Variants in LUZP1 observed in about 807,000 individuals in gnomAD.
LUZP1 encodes the protein leucine zipper protein 1.
A neutral mutation model predicts 71.3 loss-of-function variants in LUZP1; 25 were observed. That is an observed-to-expected ratio of 0.35 (90% CI 0.26 to 0.49). The LOEUF (loss-of-function observed/expected upper bound fraction) is 0.49. LUZP1 is among the 20% of genes least tolerant of loss of function. The pLI, the probability that LUZP1 is intolerant of heterozygous loss-of-function variation, is 0.99. For missense variants in LUZP1, 1,142 were observed against 1,300.8 expected (o/e 0.88, Z 1.88); for synonymous variants, 481 against 506.4 (o/e 0.95, Z 0.67).
chr1:23,155,704 T>C (rs1644416396), intron 2 of LUZP1, among the ~76,000 whole-genome samples: 1 of 152,076 alleles, frequency 6.6e-6, no homozygotes, highest in African/African-American at 2.4e-5. Context: ...TAATCCCAGC[T>C]ACTCGGAAGG....
chr1:23,134,764 C>T (rs1453510709), intron 2 of LUZP1, among the ~76,000 whole-genome samples: 2 of 152,056 alleles, frequency 1.3e-5, no homozygotes, highest in African/African-American at 2.4e-5. Context: ...GCCTGGGGGA[C>T]GGTGTGAGAC....
chr1:23,109,318 G>A (rs1382364869), intron 2 of LUZP1, among the ~76,000 whole-genome samples, 191 bp from the exon 2 acceptor site: 1 of 152,216 alleles, frequency 6.6e-6, no homozygotes, highest in Non-Finnish European at 1.5e-5. Context: ...TCTCAGGAAA[G>A]TCAAGAAAGA....
exon 5 of LUZP1, chr1:23,088,286 C>T (rs1217453173): frequency 2.0e-5 from 3 of 152,598 alleles, no homozygotes; most frequent in African/African-American, 7.2e-5. Context: ...ACTGGTAAGC[C>T]AGGAGCCAGG....
chr1:23,087,581 G>T (rs1643785751), exon 5 of LUZP1: 1 of 152,612 alleles, frequency 6.6e-6, no homozygotes, highest in African/African-American at 2.4e-5. Context: ...GAGGGCAATA[G>T]TGTCTACTTC....
At position 23,091,175 on chromosome 1, in the gene LUZP1, G is replaced by A; in HGVS notation, c.3072+15C>T. 1.3e-6 allele frequency: 2 copies of A among 1,581,162 alleles called. No individual in the cohort carries two copies. Among genetic ancestry groups the A allele is most frequent in the Non-Finnish European group, 1.7e-6 (2 of 1,164,736 alleles). ...GGAGGGAGAAAAGAGAGAGGGGAGA[G>A]AGGCTGGAACTCACCATGCTTGCTG... On this transcript the variant is annotated intron_variant, in intron 4 of 4. Transcript: ENST00000302291.
rs779014268 is a variant in LUZP1 at position 23,091,561 on chromosome 1, A to T, written c.2701T>A (p.Trp901Arg). 5.3e-5 allele frequency: 85 copies of T among 1,613,932 alleles called. No homozygotes were observed. The highest frequency in any genetic ancestry group is 7.0e-5 in the Non-Finnish European group (83 of 1,180,004). Residue 901 changes from tryptophan (W) to arginine (R), a missense_variant, in exon 4 of 5, where the codon TGG becomes AGG. Trp to Arg is a moderately radical substitution (Grantham distance 101). Transcript: ENST00000302291. ...TCTGAAGGGGCACTATGGCTTTTCC[A>T]CCTGATTGTCTCCGCTGGAGGTGCA...
chr1:23,125,584 T>C (rs2124675353), intron 2 of LUZP1, among the ~76,000 whole-genome samples: 1 of 152,300 alleles, frequency 6.6e-6, no homozygotes, highest in Admixed American at 6.5e-5. Context: ...AGCACATCAG[T>C]CTATACAGCC....
chr1:23,094,475 G>T lies in LUZP1; in HGVS notation c.-119-95C>A. 1.1e-6 allele frequency: 1 copy of T among 874,320 alleles called. No homozygotes were observed. The highest frequency in any genetic ancestry group is 1.6e-6 in the Non-Finnish European group (1 of 635,556). The allele number at this position is 874,320 out of a possible 1,614,324, so 54.2% of individuals were successfully genotyped here. ...AAAAGTGCTCCTATCTGTTCCTGGTGCCTGGATCATAGCAGGGGCTCAAAC... is the reference window on the plus strand; with the variant it reads ...AAAAGTGCTCCTATCTGTTCCTGGTTCCTGGATCATAGCAGGGGCTCAAAC... On this transcript the variant is annotated intron_variant, in intron 3 of 4. Coordinates refer to ENST00000302291, the Ensembl canonical transcript of LUZP1. This position sits in a 1 kb window ranked among gnomAD's most constrained non-coding sequence, Gnocchi z 4.7.
At chr1:23,140,019 A>G (rs1396829682) in intron 2 of LUZP1, among the ~76,000 whole-genome samples, 4 of 151,856 alleles carry the variant, frequency 2.6e-5, no homozygotes, top group Non-Finnish European at 5.9e-5. Flanking sequence ...GTTTTGGAGA[A>G]GTCAAAGGTT....
chr1:23,172,915 C>T (rs1463140155), intron 1 of LUZP1, among the ~76,000 whole-genome samples: 2 of 151,820 alleles, frequency 1.3e-5, no homozygotes, highest in Admixed American at 6.6e-5. Flanking sequence ...CTCCGCCTCC[C>T]GTATTCAAGC....
rs779838081 is a variant in LUZP1, at chr1:23,093,224, T to G, written c.1038A>C (p.Gln346His). Residue 346 changes from glutamine (Q) to histidine (H), a missense_variant, in exon 4 of 5, where the codon CAA becomes CAC. Coordinates refer to ENST00000302291, the Ensembl canonical transcript of LUZP1. This position sits in a 1 kb window ranked among gnomAD's most constrained non-coding sequence, Gnocchi z 4.2. ...TTTCTAACTCTTTCTGTTTCTTGAT[T>G]TGTAGCTTTATCTCCTCCAGTTGGC... The G allele has an allele frequency of 6.2e-7, 1 of 1,614,156 alleles. No homozygotes were observed. Among genetic ancestry groups the G allele is most frequent in the Non-Finnish European group, 8.5e-7 (1 of 1,180,028 alleles).
At chr1:23,144,354 C>G (rs1644326861) in intron 2 of LUZP1, among the ~76,000 whole-genome samples, 1 of 152,046 alleles carries the variant, frequency 6.6e-6, no homozygotes, top group Non-Finnish European at 1.5e-5. Flanking sequence ...TGGCATAAGG[C>G]TGTAAGAAGG....
intron 2 of LUZP1, among the ~76,000 whole-genome samples, chr1:23,154,936 T>C (rs1644411060): frequency 6.6e-6 from 1 of 152,112 alleles, no homozygotes; most frequent in African/African-American, 2.4e-5. Context: ...CACATGTCTT[T>C]AAGATTCTGG....
chr1:23,107,696 G>A (rs1643994530), intron 3 of LUZP1, among the ~76,000 whole-genome samples: 1 of 152,122 alleles, frequency 6.6e-6, no homozygotes, highest in Non-Finnish European at 1.5e-5. Context: ...CAGCTACTCG[G>A]GAGGCTGAGA....
intron 3 of LUZP1, among the ~76,000 whole-genome samples, chr1:23,096,509 G>A (rs1167775940): frequency 6.6e-6 from 1 of 152,016 alleles, no homozygotes; most frequent in African/African-American, 2.4e-5. Context: ...CCCAACAGGA[G>A]AAAACTAAAT....
At chr1:23,111,064 G>C (rs1237657229) in intron 2 of LUZP1, among the ~76,000 whole-genome samples, 1 of 151,974 alleles carries the variant, frequency 6.6e-6, no homozygotes. Flanking sequence ...GCTGGGCATG[G>C]TGACATGTGC....
chr1:23,171,862 G>A (rs1644554720), intron 1 of LUZP1, among the ~76,000 whole-genome samples: 2 of 152,164 alleles, frequency 1.3e-5, no homozygotes, highest in South Asian at 4.1e-4. Flanking sequence ...ACATATAAGG[G>A]AGGTTCTGAA....
At chr1:23,089,021 G>T in exon 5 of LUZP1, 1 of 1,614,096 alleles carries the variant, frequency 6.2e-7, no homozygotes, top group Non-Finnish European at 8.5e-7. Context: ...GTTGCCTGTA[G>T]ACACTGAGTG....
At chr1:23,141,099 C>A (rs1644299239) in intron 2 of LUZP1, 1 of 152,310 alleles carries the variant, frequency 6.6e-6, no homozygotes, top group Non-Finnish European at 1.5e-5. Flanking sequence ...TCCCTACCAC[C>A]CCTCTACTCT....
Sources: allele counts gnomAD v4.1 joint callset (sites outside exome capture counted in the v4.1 genomes callset), GRCh38; gene constraint gnomAD v4.1.1; non-coding constraint Gnocchi (gnomAD v3.1); transcripts MANE v1.5; gene names NCBI Gene and HGNC (gene_info 2026-07-23, HGNC 2026-07-21).